APBB1IP: variants seen among roughly 807,000 people sequenced by gnomAD.
APBB1IP encodes amyloid beta precursor protein binding family B member 1 interacting protein.
Under a neutral mutation model 64.9 loss-of-function variants are expected in APBB1IP, and 27 were observed. The ratio of observed to expected loss-of-function variants is 0.42; its 90% confidence interval spans 0.31 to 0.57. APBB1IP has a LOEUF of 0.57. Ranked by LOEUF, APBB1IP falls within the 20% of genes least tolerant of loss-of-function variation. The pLI is 0.20. For synonymous variants in APBB1IP, 392 were observed against 331.0 expected (o/e 1.18, Z -2.00); for missense variants, 812 against 845.5 (o/e 0.96, Z 0.49).
intron 2 of APBB1IP, among the ~76,000 whole-genome samples, chr10:26,458,402 G>A (rs1355192953): frequency 6.6e-6 from 1 of 150,994 alleles, no homozygotes; most frequent in Non-Finnish European, 1.5e-5. Flanking sequence ...AAGGAAGGAA[G>A]GTAGGAAAAG....
At chr10:26,480,082 G>A (rs557056169) in intron 2 of APBB1IP, among the ~76,000 whole-genome samples, 5 of 152,208 alleles carry the variant, frequency 3.3e-5, no homozygotes, top group African/African-American at 4.8e-5. Flanking sequence ...GTGACATAAG[G>A]TAGCCAGGAA....
intron 10 of APBB1IP, among the ~76,000 whole-genome samples, chr10:26,539,285 G>A (rs1449506062): frequency 1.3e-5 from 2 of 152,016 alleles, no homozygotes; most frequent in South Asian, 2.1e-4. Flanking sequence ...GGTGGCACAT[G>A]CCTGTAGTCC....
At chr10:26,506,250 T>TA (rs1554776273) in intron 6 of APBB1IP, among the ~76,000 whole-genome samples, 1 of 62,392 alleles carries the variant, frequency 1.6e-5, no homozygotes, top group Non-Finnish European at 3.2e-5. Context: ...CGTGTGTGTG[T>TA]GGGGGGGGGG....
At position 26,561,259 on chromosome 10, in the gene APBB1IP, A is replaced by G. The variant is rs1030043838; in HGVS notation, c.1369+415A>G. 1.1e-4 allele frequency among the ~76,000 whole-genome samples: 16 copies of G among 150,678 alleles called. No homozygotes were observed. In the East Asian group the frequency reaches 1.4e-3, roughly 13 times the overall value. ...AATTTTTTGTATTTTTAGTAGAGAC[A>G]GGGTTTCACCGTGTTAGCCAGGGTG... On this transcript the variant is annotated intron_variant, in intron 13 of 14. Transcript: ENST00000376236.
intron 11 of APBB1IP, among the ~76,000 whole-genome samples, chr10:26,542,144 A>T (rs1458034141): frequency 2.6e-5 from 4 of 152,172 alleles, no homozygotes; most frequent in Non-Finnish European, 5.9e-5. Flanking sequence ...AATAGGTATT[A>T]TCAAATGTTA....
chr10:26,560,465 G>C (rs1409571276), intron 12 of APBB1IP, among the ~76,000 whole-genome samples: 2 of 152,126 alleles, frequency 1.3e-5, no homozygotes, highest in Non-Finnish European at 2.9e-5. Flanking sequence ...CTGTGATCGA[G>C]TTACATAAAG....
intron 8 of APBB1IP, among the ~76,000 whole-genome samples, chr10:26,518,788 C>T (rs1836364836): frequency 6.6e-6 from 1 of 152,174 alleles, no homozygotes; most frequent in South Asian, 2.1e-4. Flanking sequence ...TCAACAAATG[C>T]CCTGAGGGGA....
intron 2 of APBB1IP, among the ~76,000 whole-genome samples, chr10:26,439,247 A>C (rs1835313643): frequency 6.6e-6 from 1 of 152,134 alleles, no homozygotes; most frequent in Non-Finnish European, 1.5e-5. Flanking sequence ...AGTCTCCCGG[A>C]ACCTGGAGGG....
chr10:26,540,326 A>G (rs1836681575), intron 10 of APBB1IP, among the ~76,000 whole-genome samples: 1 of 152,146 alleles, frequency 6.6e-6, no homozygotes. Flanking sequence ...TCTAATCCCA[A>G]CAGTTTGGAA....
At chr10:26,523,374 G>A (rs1836428915) in intron 8 of APBB1IP, among the ~76,000 whole-genome samples, 1 of 152,184 alleles carries the variant, frequency 6.6e-6, no homozygotes, top group Non-Finnish European at 1.5e-5. Flanking sequence ...GAATCCACAT[G>A]ACTTCCAAAA....
At chr10:26,533,268 A>G (rs781436790) in intron 8 of APBB1IP, among the ~76,000 whole-genome samples, 171 bp from the exon 9 acceptor site, 5 of 152,346 alleles carry the variant, frequency 3.3e-5, no homozygotes, top group Non-Finnish European at 5.9e-5. Flanking sequence ...TGCCTTGGCA[A>G]TGTGGTATCA....
intron 11 of APBB1IP, among the ~76,000 whole-genome samples, chr10:26,550,898 G>A (rs183649957): frequency 2.0e-5 from 3 of 152,300 alleles, no homozygotes; most frequent in East Asian, 3.9e-4. Context: ...GAAATTGTGA[G>A]CAGATTGACT....
At chr10:26,539,272 G>A (rs1352279046) in intron 10 of APBB1IP, among the ~76,000 whole-genome samples, 2 of 151,952 alleles carry the variant, frequency 1.3e-5, no homozygotes, top group Admixed American at 1.3e-4. Context: ...AATTAGTGGG[G>A]ATGGTGGCAC....
chr10:26,548,918 T>A (rs1181167119), intron 11 of APBB1IP, among the ~76,000 whole-genome samples: 1 of 152,186 alleles, frequency 6.6e-6, no homozygotes, highest in East Asian at 1.9e-4. Flanking sequence ...TTATCTTGTT[T>A]GAGATCTTAG....
Position 26,560,741 on chromosome 10 carries a change from T to G in APBB1IP, c.1266T>G (p.Thr422=), listed in dbSNP as rs145279460. 11 of 1,592,746 alleles carry G rather than the reference T, an allele frequency of 6.9e-6. No individual in the cohort carries two copies. The highest frequency in any genetic ancestry group is 9.4e-6 in the Non-Finnish European group (11 of 1,169,826). ...MGIRIAKYGK[T]LYDNYQRAVA... Reference sequence around the variant, plus strand: ...TGTTCTCTCCCCAGTATGGGAAGACTCTCTATGATAACTACCAGCGGGCTG... The same window carrying G: ...TGTTCTCTCCCCAGTATGGGAAGACGCTCTATGATAACTACCAGCGGGCTG... Residue 422 remains threonine (T), a synonymous_variant, in exon 13 of 15, where the codon ACT becomes ACG. Transcript: ENST00000376236.
rs1199479204 is a variant in APBB1IP at position 26,536,346 on chromosome 10, A to G, written c.1044+129A>G. Reference sequence around the variant, plus strand: ...GATTCCATAATCCTGCAACATGTATACAAATAGGACAGTATTATTGAAATC... The same window carrying G: ...GATTCCATAATCCTGCAACATGTATGCAAATAGGACAGTATTATTGAAATC... On this transcript the variant is annotated intron_variant, in intron 10 of 14. Coordinates refer to ENST00000376236, the MANE Select transcript of APBB1IP (RefSeq NM_019043.4). 2.7e-5 allele frequency: 26 copies of G among 977,586 alleles called. No individual in the cohort carries two copies. The East Asian group carries it at 6.7e-4, about 25-fold the overall frequency. 60.6% of individuals were successfully genotyped at this position (977,586 alleles called of 1,614,324 possible).
chr10:26,525,713 A>G lies in APBB1IP; in HGVS notation c.814-7726A>G, dbSNP rs77785763. Among the ~76,000 whole-genome samples the G allele has an allele frequency of 1.2e-4, 19 of 152,344 alleles. No homozygotes were observed. In the East Asian group the frequency reaches 3.7e-3, roughly 29 times the overall value. ...TGCAAAAGACAGATTACCAACAACA[A>G]AAAAAGCACAGAAATTTATTTAATG... On this transcript the variant is annotated intron_variant, in intron 8 of 14. Transcript: ENST00000376236.
intron 8 of APBB1IP, 29 bp from the exon 9 acceptor site, chr10:26,533,410 C>A: frequency 7.0e-7 from 1 of 1,424,426 alleles, no homozygotes; most frequent in Non-Finnish European, 9.8e-7. Flanking sequence ...TGAACACTTA[C>A]TGATCTGATC....
intron 2 of APBB1IP, among the ~76,000 whole-genome samples, chr10:26,485,983 A>AT (rs1311064794): frequency 6.6e-6 from 1 of 152,144 alleles, no homozygotes; most frequent in African/African-American, 2.4e-5. Context: ...TAATCCCAGC[A>AT]TTTTGGGAGG....
Sources: gnomAD v4.1 joint callset for allele counts (sites outside exome capture counted in the v4.1 genomes callset) on GRCh38, gnomAD v4.1.1 for gene constraint, MANE v1.5 for transcripts, NCBI Gene and HGNC (gene_info 2026-07-23, HGNC 2026-07-21) for gene names.